The following CTNNA3 variants were observed in gnomAD, a reference collection of about 807,000 sequenced individuals.
CTNNA3 encodes the protein catenin alpha-3.
In CTNNA3, 76 loss-of-function variants were observed where a neutral mutation model predicts 95.7. The observed-to-expected ratio is 0.79, with a 90% CI of 0.66 to 0.96. The LOEUF (loss-of-function observed/expected upper bound fraction) is 0.96. Among genes scored for constraint, CTNNA3 ranks in the 40% least tolerant of loss-of-function variants. CTNNA3 has a pLI of 0.00. For missense variants in CTNNA3, 1,191 were observed against 1,089.8 expected (o/e 1.09, Z -1.31); for synonymous variants, 431 against 374.4 (o/e 1.15, Z -1.74).
intron 11 of CTNNA3, among the ~76,000 whole-genome samples, chr10:66,453,183 C>T (rs2093475712): frequency 1.3e-5 from 2 of 151,308 alleles, no homozygotes; most frequent in African/African-American, 2.4e-5. Context: ...TGCCACTGTA[C>T]TGCAGCCTGG....
At chr10:66,412,204 T>A (rs1272137533) in intron 11 of CTNNA3, among the ~76,000 whole-genome samples, 1 of 152,142 alleles carries the variant, frequency 6.6e-6, no homozygotes, top group Non-Finnish European at 1.5e-5. Context: ...AGAGAATACA[T>A]AATCAGAAAG....
At chr10:66,532,731 G>A (rs1007045427) in intron 10 of CTNNA3, among the ~76,000 whole-genome samples, 1 of 152,088 alleles carries the variant, frequency 6.6e-6, no homozygotes, top group South Asian at 2.1e-4. Context: ...TTCAATAAAG[G>A]ACAACACGTA....
At chr10:66,621,118 A>T (rs1844730398) in intron 10 of CTNNA3, among the ~76,000 whole-genome samples, 1 of 152,114 alleles carries the variant, frequency 6.6e-6, no homozygotes, top group East Asian at 1.9e-4. Context: ...CTTTTTTCAA[A>T]CCGATACCTT....
chr10:66,101,338 C>T (rs912988714), intron 14 of CTNNA3, among the ~76,000 whole-genome samples: 1 of 152,068 alleles, frequency 6.6e-6, no homozygotes, highest in Non-Finnish European at 1.5e-5. Context: ...AATATATTAC[C>T]AAATACTATC....
intron 9 of CTNNA3, among the ~76,000 whole-genome samples, chr10:66,695,605 G>A (rs952828282): frequency 1.3e-5 from 2 of 152,088 alleles, no homozygotes; most frequent in Non-Finnish European, 2.9e-5. Flanking sequence ...GTTGAAAATT[G>A]TTCTATATTC....
intron 13 of CTNNA3, among the ~76,000 whole-genome samples, chr10:66,187,974 T>C (rs1359366520): frequency 6.6e-6 from 1 of 152,090 alleles, no homozygotes; most frequent in African/African-American, 2.4e-5. Context: ...ATTTTGAATA[T>C]GTTCAAAGAA....
At chr10:67,626,619 T>A (rs1435327306) in intron 2 of CTNNA3, among the ~76,000 whole-genome samples, 1 of 152,224 alleles carries the variant, frequency 6.6e-6, no homozygotes, top group Non-Finnish European at 1.5e-5. Context: ...AAGGTACCAC[T>A]GACTCCCTGT....
chr10:66,601,116 G>A (rs1032168425), intron 10 of CTNNA3, among the ~76,000 whole-genome samples: 1 of 151,744 alleles, frequency 6.6e-6, no homozygotes, highest in Non-Finnish European at 1.5e-5. Context: ...GTAGCTCTAG[G>A]AAAGTACCTG....
In CTNNA3 at chr10:67,547,916, G is replaced by A. The variant is rs143596450; in HGVS notation, c.293-8247C>T. Among the ~76,000 whole-genome samples, 11 of 152,300 alleles carry A rather than the reference G, an allele frequency of 7.2e-5. No individual in the cohort carries two copies. In the East Asian group the frequency reaches 2.1e-3, roughly 29 times the overall value. On this transcript the variant is annotated intron_variant, in intron 3 of 17. Coordinates refer to ENST00000433211, the MANE Select transcript of CTNNA3 (RefSeq NM_013266.4). Reference sequence around the variant, plus strand: ...TAAATGATCATATCTCATGCTCATGGATTAGAAGACTTAATATTGTTAAGA... The same window carrying A: ...TAAATGATCATATCTCATGCTCATGAATTAGAAGACTTAATATTGTTAAGA...
chr10:66,604,128 AAC>A (rs1389988596), intron 10 of CTNNA3, among the ~76,000 whole-genome samples: 1 of 152,164 alleles, frequency 6.6e-6, no homozygotes, highest in African/African-American at 2.4e-5. Context: ...GAAAACAATT[AAC>A]AAAGTAAAGC....
intron 10 of CTNNA3, among the ~76,000 whole-genome samples, chr10:66,559,885 C>T (rs992984199): frequency 6.6e-6 from 1 of 152,058 alleles, no homozygotes; most frequent in African/African-American, 2.4e-5. Flanking sequence ...ATTTTACTTT[C>T]ACTGAAATAA....
chr10:66,860,240 G>C (rs182801908), intron 7 of CTNNA3, among the ~76,000 whole-genome samples: 1 of 152,098 alleles, frequency 6.6e-6, no homozygotes, highest in African/African-American at 2.4e-5. Context: ...CTTACAATTT[G>C]AATGGACTTT....
At chr10:67,414,008 C>A (rs1011979360) in intron 5 of CTNNA3, among the ~76,000 whole-genome samples, 7 of 151,998 alleles carry the variant, frequency 4.6e-5, no homozygotes, top group African/African-American at 1.4e-4. Flanking sequence ...AACAAACTAA[C>A]TTTGCACCTA....
intron 7 of CTNNA3, among the ~76,000 whole-genome samples, chr10:66,780,675 A>ACAAAAACAT (rs1840498079): frequency 6.6e-6 from 1 of 152,206 alleles, no homozygotes. Flanking sequence ...ACTAGATGGT[A>ACAAAAACAT]TGATCCTTGA....
intron 5 of CTNNA3, among the ~76,000 whole-genome samples, chr10:67,462,013 A>G (rs1166828765): frequency 6.6e-6 from 1 of 152,210 alleles, no homozygotes; most frequent in African/African-American, 2.4e-5. Flanking sequence ...ATTCCTCATT[A>G]TATTTGTAGT....
At chr10:66,187,534 A>T (rs749987362) in intron 13 of CTNNA3, among the ~76,000 whole-genome samples, 10 of 151,592 alleles carry the variant, frequency 6.6e-5, no homozygotes, top group African/African-American at 9.7e-5. Flanking sequence ...TGAGGCCTAA[A>T]GTGGTGTTGC....
Position 67,714,374 on chromosome 10 carries a change from G to A in CTNNA3, c.-2+49060C>T, listed in dbSNP as rs560927578. On this transcript the variant is annotated intron_variant, in intron 1 of 17. Transcript: ENST00000684154. ...CTGGATGCAAGACATGGAGTCAAAG[G>A]AGATCATTCTGGAGCTTTAAGATTT... 2.6e-5 allele frequency among the ~76,000 whole-genome samples: 4 copies of A among 152,364 alleles called. No homozygotes were observed. In the South Asian group the frequency reaches 8.3e-4, roughly 32 times the overall value.
chr10:67,234,753 T>C (rs1865376674), intron 5 of CTNNA3, among the ~76,000 whole-genome samples: 1 of 152,000 alleles, frequency 6.6e-6, no homozygotes, highest in Non-Finnish European at 1.5e-5. Flanking sequence ...TGATTGTATA[T>C]CTAGAAAACC....
chr10:66,660,271 A>G (rs1435915603), intron 9 of CTNNA3, among the ~76,000 whole-genome samples: 1 of 152,202 alleles, frequency 6.6e-6, no homozygotes, highest in African/African-American at 2.4e-5. Context: ...GTGTACCTCA[A>G]GATGCCAGTG....
Sources: allele counts gnomAD v4.1 joint callset (sites outside exome capture counted in the v4.1 genomes callset), GRCh38; gene constraint gnomAD v4.1.1; transcripts MANE v1.5; gene names NCBI Gene and HGNC (gene_info 2026-07-23, HGNC 2026-07-21).